The following DDX4 variants were observed in gnomAD, a reference collection of about 807,000 sequenced individuals.
DDX4 encodes the protein probable ATP-dependent RNA helicase DDX4.
DDX4 carries 25 observed loss-of-function variants against 100.0 expected under a neutral mutation model. The observed-to-expected ratio is 0.25, with a 90% confidence interval of 0.18 to 0.35. DDX4 has a LOEUF of 0.35. Among genes scored for constraint, DDX4 ranks in the 10% least tolerant of loss-of-function variants. The probability of loss-of-function intolerance (pLI) is 1.00; values close to 1 mark genes in which losing one functional copy is unlikely to be tolerated. For synonymous variants in DDX4, 259 were observed against 275.7 expected (o/e 0.94, Z 0.60); for missense variants, 635 against 882.4 (o/e 0.72, Z 3.55).
At chr5:55,738,929 T>A (rs747316449) in intron 1 of DDX4, 21 bp from the exon 2 acceptor site, 3 of 435,174 alleles carry the variant, frequency 6.9e-6, no homozygotes, top group Non-Finnish European at 1.0e-5. Flanking sequence ...CAAATGTGCA[T>A]TTTTTTTTTT....
intron 10 of DDX4, among the ~76,000 whole-genome samples, chr5:55,784,133 C>G (rs1742098928): frequency 6.6e-6 from 1 of 151,838 alleles, no homozygotes; most frequent in African/African-American, 2.4e-5. Flanking sequence ...AATGATGGAA[C>G]CAGGGAAGTT....
rs771562228 is a variant in DDX4, at chr5:55,813,726, G to A, written c.1669G>A (p.Ala557Thr). The change falls in exon 19 of 22, where the codon GCA becomes ACA. Residue 557 changes from alanine to threonine, a missense_variant. By Grantham distance (58) the Ala-to-Thr change is moderately conservative (BLOSUM62 0). Transcript: ENST00000505374. ...VETKKKADFIATFLCQEKIST... is the reference protein window; with the variant it reads ...VETKKKADFITTFLCQEKIST... ...AACTAAGAAAAAAGCAGATTTTATTGCAACTTTTCTTTGTCAAGAAAAAAT... is the reference window on the plus strand; with the variant it reads ...AACTAAGAAAAAAGCAGATTTTATTACAACTTTTCTTTGTCAAGAAAAAAT... 6.3e-7 allele frequency: 1 copy of A among 1,599,124 alleles called. No homozygotes were observed. The highest frequency in any genetic ancestry group is 8.5e-7 in the Non-Finnish European group (1 of 1,173,826).
chr5:55,740,417 T>C (rs1758911014), intron 2 of DDX4, among the ~76,000 whole-genome samples: 1 of 152,104 alleles, frequency 6.6e-6, no homozygotes, highest in South Asian at 2.1e-4. Flanking sequence ...TTCACTCACC[T>C]GGGCCTTCCA....
At chr5:55,739,344 T>C (rs1035451489) in intron 2 of DDX4, among the ~76,000 whole-genome samples, 1 of 152,226 alleles carries the variant, frequency 6.6e-6, no homozygotes, top group South Asian at 2.1e-4. Flanking sequence ...AAGACGCTTG[T>C]ATGGAAAATT....
chr5:55,756,949 TG>T (rs1465585945), intron 3 of DDX4, among the ~76,000 whole-genome samples: 4 of 152,094 alleles, frequency 2.6e-5, no homozygotes. Flanking sequence ...TTCATGAAAG[TG>T]AATGTAAACT....
chr5:55,808,971 G>T (rs374494830), intron 18 of DDX4, among the ~76,000 whole-genome samples: 2 of 152,324 alleles, frequency 1.3e-5, no homozygotes, highest in African/African-American at 2.4e-5. Flanking sequence ...CACCCAGTTC[G>T]AGCTTCCTGG....
At chr5:55,781,524 C>T (rs1301971965) in intron 9 of DDX4, among the ~76,000 whole-genome samples, 1 of 152,018 alleles carries the variant, frequency 6.6e-6, no homozygotes, top group Non-Finnish European at 1.5e-5. Flanking sequence ...TGCCTGTAAT[C>T]CCAGCAGTTT....
At chr5:55,810,634 A>C (rs1744069474) in intron 18 of DDX4, among the ~76,000 whole-genome samples, 1 of 152,124 alleles carries the variant, frequency 6.6e-6, no homozygotes. Context: ...CTGGTTTGAC[A>C]ACTCTTACCA....
chr5:55,788,130 T>A (rs1742352028), intron 15 of DDX4, 130 bp downstream of exon 15: 1 of 812,900 alleles, frequency 1.2e-6, no homozygotes, highest in Non-Finnish European at 1.8e-6. Context: ...TTTTTTATTA[T>A]CTTGTTTATG....
At chr5:55,766,912 G>C (rs1740958853) in intron 6 of DDX4, 8 of 1,515,512 alleles carry the variant, frequency 5.3e-6, no homozygotes, top group Non-Finnish European at 7.1e-6. Flanking sequence ...ATTCCTTTCA[G>C]AATAAACATT....
intron 18 of DDX4, among the ~76,000 whole-genome samples, chr5:55,801,284 G>C (rs372667119): frequency 1.8e-3 from 277 of 149,968 alleles, no homozygotes; most frequent in African/African-American, 4.8e-3. Context: ...GTAGTGTTAC[G>C]GTATTTTATG....
rs956739201 is a variant in DDX4 at position 55,793,060 on chromosome 5, G to T, written c.1469+253G>T. Among the ~76,000 whole-genome samples the T allele has an allele frequency of 9.9e-4, 147 of 147,740 alleles. 1 individual carries two copies. The highest frequency in any genetic ancestry group is 3.2e-3 in the East Asian group (15 of 4,702). ...TGTGTGTGTGTGTGTGTGTGTTTGT[G>T]TGTGTTGTTGTTGTTGTTGCATAGA... On this transcript the variant is annotated intron_variant, in intron 17 of 21. Transcript: ENST00000505374.
At chr5:55,738,442 C>T (rs1035662234) in intron 1 of DDX4, 18 of 156,096 alleles carry the variant, frequency 1.2e-4, no homozygotes, top group African/African-American at 3.6e-4. Flanking sequence ...CCACTAAAAT[C>T]CAAGGCCTCC....
intron 7 of DDX4, among the ~76,000 whole-genome samples, chr5:55,777,746 TAAAAG>T (rs563389424): frequency 7.2e-5 from 11 of 152,064 alleles, no homozygotes; most frequent in Admixed American, 1.3e-4. Flanking sequence ...CCCTGAAACT[TAAAAG>T]TAAAGAGAAA....
At chr5:55,804,351 C>G (rs1743548216) in intron 18 of DDX4, among the ~76,000 whole-genome samples, 1 of 150,968 alleles carries the variant, frequency 6.6e-6, no homozygotes, top group Non-Finnish European at 1.5e-5. Flanking sequence ...TCAATTTTGG[C>G]TTTTGTTGCC....
At chr5:55,774,047 T>C (rs895779032) in intron 7 of DDX4, among the ~76,000 whole-genome samples, 1 of 152,170 alleles carries the variant, frequency 6.6e-6, no homozygotes, top group Non-Finnish European at 1.5e-5. Flanking sequence ...ATTTTAACAA[T>C]TGGGTTGTCT....
rs140625872 is a variant in DDX4 at position 55,748,978 on chromosome 5, G to A, written c.127+2757G>A. Among the ~76,000 whole-genome samples the A allele has an allele frequency of 5.5e-4, 83 of 152,070 alleles. 1 individual carries two copies. In the East Asian group the frequency reaches 0.014, roughly 27 times the overall value. On this transcript the variant is annotated intron_variant, in intron 3 of 21. Coordinates refer to ENST00000505374, the MANE Select transcript of DDX4 (RefSeq NM_024415.3). The stretch of plus-strand genomic sequence containing the variant: ...CTCTTAAAATTGTATTTAGACATGC[G>A]TCTTTTCATTCTGTATTTTATAGAA...
chr5:55,788,689 T>C (rs1026179714), intron 15 of DDX4, among the ~76,000 whole-genome samples: 1 of 152,252 alleles, frequency 6.6e-6, no homozygotes, highest in Non-Finnish European at 1.5e-5. Flanking sequence ...GTATACATTT[T>C]ATTTCTCTGT....
At position 55,796,579 on chromosome 5, in the gene DDX4, C is replaced by G. The variant is rs73131163; in HGVS notation, c.1470-1847C>G. Among the ~76,000 whole-genome samples, 1,454 of 152,254 alleles carry G rather than the reference C, an allele frequency of 9.5e-3. 28 individuals are homozygous for G. Among genetic ancestry groups the G allele is most frequent in the African/African-American group, 0.033 (1,385 of 41,548 alleles). ...ATAGACTGATTTTTAAACTCTTTAA[C>G]ACATGACAGTCTCAGGCTCACCTGC... On this transcript the variant is annotated intron_variant, in intron 17 of 21. Coordinates refer to ENST00000505374, the MANE Select transcript of DDX4 (RefSeq NM_024415.3).
Sources: allele counts gnomAD v4.1 joint callset (sites outside exome capture counted in the v4.1 genomes callset), GRCh38; gene constraint gnomAD v4.1.1; transcripts MANE v1.5; gene names NCBI Gene and HGNC (gene_info 2026-07-23, HGNC 2026-07-21).